The following NIBAN1 variants were observed in gnomAD, a reference collection of about 807,000 sequenced individuals.
NIBAN1 encodes the protein protein Niban 1.
A neutral mutation model predicts 75.1 loss-of-function variants in NIBAN1; 81 were observed. That is an observed-to-expected ratio of 1.08 (90% CI 0.90 to 1.30). The LOEUF (loss-of-function observed/expected upper bound fraction) is 1.30. NIBAN1 is among the 50% of genes most tolerant of loss of function. The probability of loss-of-function intolerance (pLI) is 0.00; values close to 1 mark genes in which losing one functional copy is unlikely to be tolerated. For missense variants in NIBAN1, 1,133 were observed against 1,128.1 expected (o/e 1.00, Z -0.06); for synonymous variants, 436 against 424.8 (o/e 1.03, Z -0.32).
chr1:184,922,720 C>T (rs1657590724), intron 1 of NIBAN1, among the ~76,000 whole-genome samples: 1 of 152,166 alleles, frequency 6.6e-6, no homozygotes, highest in Admixed American at 6.5e-5. Context: ...GATTCTCCTG[C>T]CTCAGCCTCC....
At chr1:184,797,097 A>T (rs552076955) in intron 13 of NIBAN1, among the ~76,000 whole-genome samples, 28 of 148,254 alleles carry the variant, frequency 1.9e-4, no homozygotes, top group African/African-American at 6.4e-4. Context: ...AGGAGACCAG[A>T]TATGTTTCAG....
intron 5 of NIBAN1, among the ~76,000 whole-genome samples, chr1:184,839,406 T>C (rs1026502965): frequency 1.1e-4 from 16 of 152,166 alleles, no homozygotes; most frequent in Admixed American, 7.2e-4. Flanking sequence ...AATATAGAGA[T>C]ACCCTATATA....
At chr1:184,892,720 C>T (rs909400369) in intron 3 of NIBAN1, among the ~76,000 whole-genome samples, 16 of 152,108 alleles carry the variant, frequency 1.1e-4, no homozygotes, top group Non-Finnish European at 1.6e-4. Context: ...GAAGCCTCTT[C>T]CTAGCATCAG....
At chr1:184,906,817 T>C (rs1284721318) in intron 1 of NIBAN1, among the ~76,000 whole-genome samples, 1 of 152,198 alleles carries the variant, frequency 6.6e-6, no homozygotes, top group Non-Finnish European at 1.5e-5. Flanking sequence ...TGGGTAAAAC[T>C]TTTATGAAGT....
intron 1 of NIBAN1, among the ~76,000 whole-genome samples, chr1:184,930,437 T>C (rs1016393362): frequency 5.9e-5 from 9 of 152,180 alleles, no homozygotes; most frequent in African/African-American, 2.2e-4. Flanking sequence ...ACATTTCTAT[T>C]TGTAGGGCAC....
chr1:184,792,407 A>G lies in NIBAN1; in HGVS notation c.*2570T>C, dbSNP rs1185553144. ...GAAAGGTACTCTCTTTTAGGGTTGA[A>G]AAAAATCTCTTAGCTTTCCAGGGGG... On this transcript the variant is annotated 3_prime_UTR_variant, in exon 14 of 14. Coordinates refer to ENST00000367511, the MANE Select transcript of NIBAN1 (RefSeq NM_052966.4). 6.6e-6 allele frequency: 1 copy of G among 152,582 alleles called. No homozygotes were observed. Among genetic ancestry groups the G allele is most frequent in the African/African-American group, 2.4e-5 (1 of 41,436 alleles). The allele number at this position is 152,582 out of a possible 1,614,324, so 9.5% of individuals were successfully genotyped here.
intron 5 of NIBAN1, among the ~76,000 whole-genome samples, chr1:184,857,680 A>T (rs956980943): frequency 6.6e-6 from 1 of 152,212 alleles, no homozygotes; most frequent in Admixed American, 6.5e-5. Context: ...GAGAATAAAC[A>T]AATAGATATA....
chr1:184,882,701 T>C, intron 5 of NIBAN1, among the ~76,000 whole-genome samples: 1 of 152,078 alleles, frequency 6.6e-6, no homozygotes, highest in Non-Finnish European at 1.5e-5. Flanking sequence ...ATTATGTACA[T>C]GAAAGGGGGA....
intron 5 of NIBAN1, among the ~76,000 whole-genome samples, chr1:184,845,182 G>C (rs1362069793): frequency 6.6e-6 from 1 of 152,200 alleles, no homozygotes; most frequent in Non-Finnish European, 1.5e-5. Flanking sequence ...TGCATCATCA[G>C]CATGAGTTGT....
intron 3 of NIBAN1, 91 bp downstream of exon 3, chr1:184,893,984 T>C: frequency 7.4e-7 from 1 of 1,348,246 alleles, no homozygotes; most frequent in Admixed American, 2.6e-5. Flanking sequence ...TTTGTTAGTA[T>C]AGCCTTGTAG....
At chr1:184,843,234 A>G (rs1655342229) in intron 5 of NIBAN1, among the ~76,000 whole-genome samples, 1 of 152,126 alleles carries the variant, frequency 6.6e-6, no homozygotes, top group East Asian at 1.9e-4. Context: ...CTGGATGTAA[A>G]TCCCCAGATG....
intron 8 of NIBAN1, 43 bp from the exon 9 acceptor site, chr1:184,818,868 C>T: frequency 6.5e-7 from 1 of 1,542,218 alleles, no homozygotes; most frequent in Non-Finnish European, 8.8e-7. Flanking sequence ...TATGGCAAAA[C>T]TGGGTTTGTG....
chr1:184,880,795 TG>T (rs1319994146), intron 5 of NIBAN1, among the ~76,000 whole-genome samples: 17 of 152,340 alleles, frequency 1.1e-4, no homozygotes, highest in African/African-American at 3.4e-4. Flanking sequence ...GATTGCATTT[TG>T]GACAACAGGA....
At chr1:184,814,880 A>G (rs1307287721) in intron 9 of NIBAN1, among the ~76,000 whole-genome samples, 2 of 152,232 alleles carry the variant, frequency 1.3e-5, no homozygotes, top group Non-Finnish European at 2.9e-5. Flanking sequence ...AGTGTTAAGC[A>G]TGGACTCATG....
chr1:184,838,648 A>C (rs1000661924), intron 5 of NIBAN1, among the ~76,000 whole-genome samples: 6 of 151,966 alleles, frequency 3.9e-5, no homozygotes, highest in Admixed American at 3.9e-4. Flanking sequence ...ACAGTTATTC[A>C]TGGGGCCAGC....
Position 184,794,647 on chromosome 1 carries a change from TATACTCAAAACTGTCATC to T in NIBAN1, c.*312_*329del. The T allele has an allele frequency of 4.8e-6, 2 of 420,024 alleles. No homozygotes were observed. The highest frequency in any genetic ancestry group is 4.1e-5 in the African/African-American group (2 of 49,282). 26.0% of individuals were successfully genotyped at this position (420,024 alleles called of 1,614,324 possible). ...GATTGCACAATTGAAAAGTGCAGAG[TATACTCAAAACTGTCATC>T]CTACTGTTTTCTCAGTCTTCCCTGC... On this transcript the variant is annotated 3_prime_UTR_variant, in exon 14 of 14. Transcript: ENST00000367511.
intron 11 of NIBAN1, 105 bp downstream of exon 11, chr1:184,805,841 G>A (rs1654181426): frequency 3.5e-6 from 3 of 845,746 alleles, no homozygotes; most frequent in Non-Finnish European, 5.7e-6. Flanking sequence ...AAAGGAGTGG[G>A]GAAAGATTAG....
intron 12 of NIBAN1, among the ~76,000 whole-genome samples, chr1:184,799,642 A>T (rs1489466325): frequency 7.8e-6 from 1 of 128,522 alleles, no homozygotes; most frequent in African/African-American, 3.1e-5. Context: ...TGGTTGAACT[A>T]GTTTACAGTC....
Position 184,897,277 on chromosome 1 carries a change from AGTGTGT to A in NIBAN1, c.186+1896_186+1901del, listed in dbSNP as rs34548568. On this transcript the variant is annotated intron_variant, in intron 2 of 13. Coordinates refer to ENST00000367511, the MANE Select transcript of NIBAN1 (RefSeq NM_052966.4). ...ATCTCCTTGGTTAAATGTACTCCTAAGTGTGTGTGTGTGTGTGTGTGTGTGTGTGTG... is the reference window on the plus strand; with the variant it reads ...ATCTCCTTGGTTAAATGTACTCCTAAGTGTGTGTGTGTGTGTGTGTGTGTG... Among the ~76,000 whole-genome samples, 724 of 132,658 alleles carry A rather than the reference AGTGTGT, an allele frequency of 5.5e-3. 3 individuals carry two copies. The highest frequency in any genetic ancestry group is 0.015 in the African/African-American group (546 of 36,168). The allele number at this position is 132,658 out of a possible 152,430, so 87.0% of individuals were successfully genotyped here. A position where few individuals can be genotyped will look rare whatever the true frequency, so the allele number is the denominator to read the frequency against.
Sources: allele counts gnomAD v4.1 joint callset (sites outside exome capture counted in the v4.1 genomes callset), GRCh38; gene constraint gnomAD v4.1.1; transcripts MANE v1.5; gene names NCBI Gene and HGNC (gene_info 2026-07-23, HGNC 2026-07-21).